The following WDR89 variants were observed in gnomAD, a reference collection of about 807,000 sequenced individuals.
The protein encoded by WDR89 is WD repeat domain 89, also known as WD repeat-containing protein 89.
A neutral mutation model predicts 29.1 loss-of-function variants in WDR89; 17 were observed. The ratio of observed to expected loss-of-function variants is 0.58; its 90% CI spans 0.40 to 0.88. The LOEUF (loss-of-function observed/expected upper bound fraction) is 0.88. Among genes scored for constraint, WDR89 ranks in the 40% least tolerant of loss-of-function variants. The pLI, the probability that WDR89 is intolerant of heterozygous loss-of-function variation, is 0.00. For synonymous variants in WDR89, 138 were observed against 157.8 expected (o/e 0.87, Z 0.94); for missense variants, 396 against 456.3 (o/e 0.87, Z 1.20).
At chr14:63,610,702 CTTTTT>C (rs1009799974) in intron 2 of WDR89, among the ~76,000 whole-genome samples, 4 of 129,116 alleles carry the variant, frequency 3.1e-5, no homozygotes, top group Admixed American at 2.4e-4. Flanking sequence ...CTTTTCTTTT[CTTTTT>C]TTTTTTTTTT....
intron 2 of WDR89, chr14:63,601,488 G>C (rs987643594): frequency 7.8e-7 from 1 of 1,282,154 alleles, no homozygotes; most frequent in East Asian, 2.3e-5. Context: ...AGCAGAGTAC[G>C]AGTCTGAGGT....
At chr14:63,601,375 C>A in intron 2 of WDR89, 1 of 600,298 alleles carries the variant, frequency 1.7e-6, no homozygotes, top group Non-Finnish European at 2.9e-6. Flanking sequence ...TGCTCTAAAC[C>A]ACCATACTAG....
intron 2 of WDR89, among the ~76,000 whole-genome samples, chr14:63,600,717 CAAAAAAAAAAAAAAAAAAAAAAAA>C (rs56059698): frequency 0.12 from 4,417 of 36,498 alleles, 358 homozygotes; most frequent in African/African-American, 0.24. Context: ...GATATGTAGG[CAAAAAAAAAAAAAAAAAAAAAAAA>C]AAAAAAAAAA....
chr14:63,615,982 C>T (rs913873853), intron 2 of WDR89, among the ~76,000 whole-genome samples: 7 of 151,518 alleles, frequency 4.6e-5, no homozygotes, highest in African/African-American at 1.5e-4. Context: ...GTGGCTCACA[C>T]CTATAATGCT....
rs554689675 is a variant in WDR89 at position 63,632,464 on chromosome 14, T to A, written c.-137-7431A>T. On this transcript the variant is annotated intron_variant, in intron 1 of 2. Transcript: ENST00000620954. The stretch of plus-strand genomic sequence containing the variant: ...TGGCCAACATGGTGAAACCCGTCTC[T>A]ACTTAAAAAAATACAAAAATTAGCC... Among the ~76,000 whole-genome samples the A allele has an allele frequency of 1.1e-4, 17 of 152,140 alleles. 1 individual carries two copies. Among genetic ancestry groups the A allele is most frequent in the Admixed American group, 7.9e-4 (12 of 15,278 alleles).
At chr14:63,626,963 A>C (rs1883101734) in intron 1 of WDR89, among the ~76,000 whole-genome samples, 1 of 152,044 alleles carries the variant, frequency 6.6e-6, no homozygotes, top group Admixed American at 6.6e-5. Flanking sequence ...TACAAAAAAA[A>C]TACAAAAATT....
At chr14:63,640,676 C>A (rs150806381) in intron 1 of WDR89, among the ~76,000 whole-genome samples, 5,217 of 151,626 alleles carry the variant, frequency 0.034, 140 homozygotes, top group Admixed American at 0.083. Flanking sequence ...GGGGGTTTCA[C>A]CATGTTGACC....
At chr14:63,630,328 G>A (rs1883314955) in intron 1 of WDR89, among the ~76,000 whole-genome samples, 1 of 151,852 alleles carries the variant, frequency 6.6e-6, no homozygotes, top group Admixed American at 6.6e-5. Flanking sequence ...AAGGTTGGGA[G>A]ACCATAGAGG....
At chr14:63,600,116 C>G (rs555064547) in intron 2 of WDR89, 143 bp from the exon 3 acceptor site, 18 of 454,956 alleles carry the variant, frequency 4.0e-5, no homozygotes, top group African/African-American at 2.6e-4. Flanking sequence ...AATCAATCAA[C>G]AGAAATGTAT....
chr14:63,621,169 T>C (rs1351049675), intron 2 of WDR89, among the ~76,000 whole-genome samples: 3 of 152,180 alleles, frequency 2.0e-5, no homozygotes, highest in South Asian at 2.1e-4. Context: ...TAGCAGCCTC[T>C]GTGGAAAACA....
chr14:63,614,949 T>G (rs146632976), intron 2 of WDR89, among the ~76,000 whole-genome samples: 18 of 152,352 alleles, frequency 1.2e-4, no homozygotes, highest in Middle Eastern at 3.4e-3. Flanking sequence ...AAGATAGTGG[T>G]TGCAGCAACA....
intron 1 of WDR89, among the ~76,000 whole-genome samples, chr14:63,637,216 CA>C (rs1595042229): frequency 6.6e-6 from 1 of 152,104 alleles, no homozygotes; most frequent in East Asian, 1.9e-4. Context: ...AATGTGATAC[CA>C]CCACACTCCT....
At chr14:63,627,824 A>G (rs1883165784) in intron 1 of WDR89, among the ~76,000 whole-genome samples, 1 of 152,188 alleles carries the variant, frequency 6.6e-6, no homozygotes, top group South Asian at 2.1e-4. Flanking sequence ...ATGGTGGTAC[A>G]TGCCTGCAGT....
intron 2 of WDR89, among the ~76,000 whole-genome samples, chr14:63,602,987 A>G (rs995582946): frequency 6.6e-6 from 1 of 151,996 alleles, no homozygotes; most frequent in Admixed American, 6.6e-5. Context: ...CGACCTCCTG[A>G]CCTCGTGATC....
intron 2 of WDR89, among the ~76,000 whole-genome samples, chr14:63,603,736 A>G (rs1349822021): frequency 3.3e-5 from 5 of 152,156 alleles, no homozygotes; most frequent in African/African-American, 1.2e-4. Flanking sequence ...TAAGCCCCAC[A>G]TGAGAAACTC....
chr14:63,638,129 G>C (rs1883861375), intron 1 of WDR89, among the ~76,000 whole-genome samples: 1 of 152,066 alleles, frequency 6.6e-6, no homozygotes, highest in South Asian at 2.1e-4. Flanking sequence ...ATTTTTAGTA[G>C]AGACAGGGTT....
At chr14:63,629,877 G>A (rs1038516871) in intron 1 of WDR89, among the ~76,000 whole-genome samples, 1 of 152,136 alleles carries the variant, frequency 6.6e-6, no homozygotes, top group African/African-American at 2.4e-5. Flanking sequence ...CAGCAGCTAC[G>A]TTAAACTATT....
intron 1 of WDR89, chr14:63,630,794 CT>C (rs74590116): frequency 0.056 from 7,860 of 140,742 alleles, 220 homozygotes; most frequent in South Asian, 0.093. Context: ...ATGTATTGTC[CT>C]TTTTTTTTTT....
intron 2 of WDR89, among the ~76,000 whole-genome samples, chr14:63,606,120 G>C (rs1392833147): frequency 6.6e-6 from 1 of 151,644 alleles, no homozygotes; most frequent in East Asian, 1.9e-4. Context: ...GCTAATTTTT[G>C]TATTTTTGGT....
Sources: gnomAD v4.1 joint callset for allele counts (sites outside exome capture counted in the v4.1 genomes callset) on GRCh38, gnomAD v4.1.1 for gene constraint, MANE v1.5 for transcripts, NCBI Gene and HGNC (gene_info 2026-07-23, HGNC 2026-07-21) for gene names.